Variants in PGLS observed in about 807,000 individuals in gnomAD.
PGLS encodes the protein 6-phosphogluconolactonase, also known as epididymis secretory protein Li 304.
Under a neutral mutation model 23.2 loss-of-function variants are expected in PGLS, and 21 were observed. The ratio of observed to expected loss-of-function variants is 0.91; its 90% confidence interval spans 0.64 to 1.31. The LOEUF is 1.31. Ranked by LOEUF, PGLS falls within the 50% of genes most tolerant of loss-of-function variation. The pLI, the probability that PGLS is intolerant of heterozygous loss-of-function variation, is 0.00. For synonymous variants in PGLS, 179 were observed against 165.4 expected (o/e 1.08, Z -0.63); for missense variants, 410 against 354.0 (o/e 1.16, Z -1.27).
intron 4 of PGLS, chr19:17,518,516 TA>T (rs1302723678): frequency 2.6e-5 from 4 of 152,176 alleles, no homozygotes; most frequent in African/African-American, 7.2e-5. Flanking sequence ...AATATATTTT[TA>T]TTTTTTTTTT....
Position 17,521,068 on chromosome 19 carries a change from A to G in PGLS, c.764A>G (p.His255Arg), listed in dbSNP as rs754255762. 1.4e-5 allele frequency: 23 copies of G among 1,600,772 alleles called. No individual in the cohort carries two copies. Among genetic ancestry groups the G allele is most frequent in the Non-Finnish European group, 1.9e-5 (22 of 1,172,970 alleles). ...CTCCTGACCGTGCCCTTCGAGAAGC[A>G]TTCCACTTTGTAGCTGGCCAGAGGG... ...ARLLTVPFEK[H>R]STL Residue 255 changes from histidine to arginine, a missense_variant, in exon 5 of 5, where the codon CAT (histidine) becomes CGT (arginine). Physicochemically the swap from His to Arg is conservative, Grantham distance 29. Transcript: ENST00000252603.
intron 4 of PGLS, among the ~76,000 whole-genome samples, chr19:17,519,759 T>G (rs2144646560): frequency 6.6e-6 from 1 of 152,282 alleles, no homozygotes; most frequent in African/African-American, 2.4e-5. Flanking sequence ...CTGCAGCTGT[T>G]CTGGGGCCAG....
intron 1 of PGLS, chr19:17,515,927 G>A (rs1230078447): frequency 2.6e-6 from 1 of 378,082 alleles, no homozygotes; most frequent in Non-Finnish European, 5.1e-6. Flanking sequence ...TCTTGCCCTT[G>A]AACCTCCTCT....
At position 17,517,747 on chromosome 19, in the gene PGLS, C is replaced by A; in HGVS notation, c.536C>A (p.Pro179Gln). 1.2e-6 allele frequency: 2 copies of A among 1,614,070 alleles called. No homozygotes were observed. Among genetic ancestry groups the A allele is most frequent in the Non-Finnish European group, 1.7e-6 (2 of 1,180,004 alleles). ...EKIVAPISDS[P>Q]KPPPQRVTLT... is the part of the protein sequence containing the mutation. ...ATTGTGGCTCCCATCAGTGACTCCC[C>A]GAAGCCACCGCCACAGCGTGTGACC... is the stretch of plus-strand genomic sequence containing the variant. Residue 179 changes from proline (P) to glutamine (Q), a missense_variant, in exon 4 of 5, where the codon CCG becomes CAG. Transcript: ENST00000252603.
intron 1 of PGLS, among the ~76,000 whole-genome samples, chr19:17,514,176 C>T (rs1022718629): frequency 6.6e-6 from 1 of 152,202 alleles, no homozygotes; most frequent in Non-Finnish European, 1.5e-5. Flanking sequence ...GGTGGGGTCA[C>T]GCCCCATCTG....
chr19:17,519,554 C>T (rs879408885), intron 4 of PGLS, among the ~76,000 whole-genome samples: 133 of 151,946 alleles, frequency 8.8e-4, no homozygotes, highest in African/African-American at 2.9e-3. Flanking sequence ...CACCTGCCAC[C>T]ACGCCCAGCT....
chr19:17,516,200 C>G lies in PGLS; in HGVS notation c.316C>G (p.Pro106Ala), dbSNP rs146400724. The change falls in exon 2 of 5, where the codon CCA (proline) becomes GCA (alanine). Residue 106 changes from proline (P) to alanine (A), a missense_variant. Transcript: ENST00000252603. ...GCATCTTCTCTCCAGACTGCCGATCCCAGAAAGCCAGGTGATCACCATTAA... is the reference window on the plus strand; with the variant it reads ...GCATCTTCTCTCCAGACTGCCGATCGCAGAAAGCCAGGTGATCACCATTAA... The part of the protein sequence containing the change: ...RTHLLSRLPI[P>A]ESQVITINPE... The G allele has an allele frequency of 4.4e-4, 708 of 1,613,882 alleles. No homozygotes were observed. Among genetic ancestry groups the G allele is most frequent in the Non-Finnish European group, 5.7e-4 (668 of 1,179,926 alleles).
At position 17,511,919 on chromosome 19, in the gene PGLS, G is replaced by C; in HGVS notation, c.247G>C (p.Val83Leu). 1 of 1,547,328 alleles carries C rather than the reference G, an allele frequency of 6.5e-7. No homozygotes were observed. The highest frequency in any genetic ancestry group is 8.7e-7 in the Non-Finnish European group (1 of 1,147,908). Residue 83 changes from valine (V) to leucine (L), a missense_variant, in exon 1 of 5, where the codon GTG (valine) becomes CTG (leucine). Transcript: ENST00000252603. ...GCTGGGCTTCTGCGACGAGCGCCTC[G>C]TGCCCTTCGATCACGCCGAGAGCAC... ...WTLGFCDERL[V>L]PFDHAESTYG...
At chr19:17,512,061 C>T (rs2075510524) in intron 1 of PGLS, 101 bp downstream of exon 1, 2 of 1,244,940 alleles carry the variant, frequency 1.6e-6, no homozygotes, top group South Asian at 1.5e-5. Flanking sequence ...GAAAGGGCCG[C>T]GCCCACTGTC....
chr19:17,517,434 C>T, intron 3 of PGLS, 45 bp downstream of exon 3: 2 of 1,449,514 alleles, frequency 1.4e-6, no homozygotes, highest in African/African-American at 1.4e-5. Context: ...TGAGCCCAGT[C>T]CCTAACATCT....
At chr19:17,513,639 C>CGA (rs1164342149) in intron 1 of PGLS, among the ~76,000 whole-genome samples, 1 of 151,794 alleles carries the variant, frequency 6.6e-6, no homozygotes, top group Non-Finnish European at 1.5e-5. Context: ...GCCAACATGG[C>CGA]AAGACCCCAT....
At position 17,519,294 on chromosome 19, in the gene PGLS, A is replaced by G. The variant is rs1411485924; in HGVS notation, c.639+1444A>G. 2.1e-5 allele frequency among the ~76,000 whole-genome samples: 3 copies of G among 144,888 alleles called. No individual in the cohort carries two copies. In the East Asian group the frequency reaches 6.1e-4, roughly 29 times the overall value. ...ATGCCATTGCACTCCAGCCTGGGCG[A>G]CAAGAACGAAACTCAGTCTCAAAAA... On this transcript the variant is annotated intron_variant, in intron 4 of 4. Transcript: ENST00000252603.
At position 17,517,317 on chromosome 19, in the gene PGLS, C is replaced by T. The variant is rs775150834; in HGVS notation, c.426C>T (p.Phe142=). 1.8e-5 allele frequency: 29 copies of T among 1,613,848 alleles called. No homozygotes were observed. The highest frequency in any genetic ancestry group is 4.4e-5 in the South Asian group (4 of 91,068). The change falls in exon 3 of 5, where the codon TTC becomes TTT. Residue 142 remains phenylalanine, a synonymous_variant. Coordinates refer to ENST00000252603, the MANE Select transcript of PGLS (RefSeq NM_012088.3). ...TCCAAGGGGACTCCATCCCGGTTTT[C>T]GACCTGCTGATCCTGGGGGTGGGCC... is the stretch of plus-strand genomic sequence containing the variant. ...QAFQGDSIPV[F]DLLILGVGPD... is the part of the protein sequence containing the mutation.
chr19:17,512,163 C>T (rs1201269184), intron 1 of PGLS: 14 of 574,846 alleles, frequency 2.4e-5, no homozygotes, highest in Non-Finnish European at 3.8e-5. Context: ...GGGGGTCATG[C>T]CAAGAGGGCC....
At chr19:17,513,078 G>A (rs761086162) in intron 1 of PGLS, 7 of 152,192 alleles carry the variant, frequency 4.6e-5, no homozygotes, top group Non-Finnish European at 8.8e-5. Flanking sequence ...CTTCCTGTGT[G>A]TGTTTTCCAA....
intron 1 of PGLS, 147 bp downstream of exon 1, chr19:17,512,107 C>A: frequency 4.7e-6 from 4 of 855,236 alleles, no homozygotes; most frequent in Non-Finnish European, 6.8e-6. Context: ...GGTATCATGC[C>A]AAGAGGGCCG....
chr19:17,520,592 G>C (rs1004799366), intron 4 of PGLS: 1 of 170,370 alleles, frequency 5.9e-6, no homozygotes, highest in South Asian at 2.0e-4. Context: ...TTAGCCGAGC[G>C]TGGTGGCACT....
chr19:17,512,083 TA>T, intron 1 of PGLS, 123 bp downstream of exon 1: 1 of 1,044,014 alleles, frequency 9.6e-7, no homozygotes, highest in Non-Finnish European at 1.3e-6. Flanking sequence ...GCACCTCGGC[TA>T]CGGGGGCCAC....
chr19:17,517,889 C>T, intron 4 of PGLS, 39 bp downstream of exon 4: 1 of 1,608,964 alleles, frequency 6.2e-7, no homozygotes, highest in Non-Finnish European at 8.5e-7. Context: ...AGTTCATGGG[C>T]ATGTGGGCCC....
Sources: gnomAD v4.1 joint callset for allele counts (sites outside exome capture counted in the v4.1 genomes callset) on GRCh38, gnomAD v4.1.1 for gene constraint, MANE v1.5 for transcripts, NCBI Gene and HGNC (gene_info 2026-07-23, HGNC 2026-07-21) for gene names.